Variants in PSMD12 observed in about 807,000 individuals in gnomAD.
The protein encoded by PSMD12 is proteasome 26S subunit, non-ATPase 12.
Under a neutral mutation model 62.9 loss-of-function variants are expected in PSMD12, and 8 were observed. The observed-to-expected ratio is 0.13, with a 90% confidence interval of 0.07 to 0.23. The LOEUF (loss-of-function observed/expected upper bound fraction) is 0.23. PSMD12 is among the 10% of genes least tolerant of loss of function. The probability of loss-of-function intolerance (pLI) is 1.00; values close to 1 mark genes in which losing one functional copy is unlikely to be tolerated. For missense variants in PSMD12, 424 were observed against 550.2 expected (o/e 0.77, Z 2.29); for synonymous variants, 173 against 187.4 (o/e 0.92, Z 0.63).
At chr17:67,344,968 C>G (rs2143689654) in intron 8 of PSMD12, among the ~76,000 whole-genome samples, 188 bp from the exon 9 acceptor site, 1 of 152,314 alleles carries the variant, frequency 6.6e-6, no homozygotes, top group Non-Finnish European at 1.5e-5. Context: ...GTTCAGAATA[C>G]AGCATTCTCC....
intron 1 of PSMD12, chr17:67,361,187 T>C (rs1377310921): frequency 2.6e-5 from 4 of 152,256 alleles, no homozygotes; most frequent in Non-Finnish European, 5.9e-5. Flanking sequence ...TCAACATCAA[T>C]GTTGAGTATA....
chr17:67,350,285 C>A lies in PSMD12; in HGVS notation c.349G>T (p.Asp117Tyr), dbSNP rs2042005354. The A allele has an allele frequency of 1.9e-6, 3 of 1,613,222 alleles. No individual in the cohort carries two copies. Among genetic ancestry groups the A allele is most frequent in the Non-Finnish European group, 2.5e-6 (3 of 1,179,722 alleles). ...QCCTYVEEIT[D>Y]LPIKLRLIDT... The stretch of plus-strand genomic sequence containing the variant: ...ATTAATCGAAGTTTGATAGGAAGGT[C>A]TGTGATTTCCTCAACATAAGTACAG... The change falls in exon 4 of 11, where the codon GAC (aspartate) becomes TAC (tyrosine). Residue 117 changes from aspartate (D) to tyrosine (Y), a missense_variant. Asp to Tyr is a radical substitution (Grantham distance 160). Transcript: ENST00000356126.
intron 1 of PSMD12, among the ~76,000 whole-genome samples, chr17:67,360,208 C>A (rs2042116661): frequency 6.6e-6 from 1 of 152,188 alleles, no homozygotes; most frequent in Non-Finnish European, 1.5e-5. Context: ...TGACAGTCAC[C>A]CATCACATTT....
rs1250021642 is a variant in PSMD12, at chr17:67,348,564, A to G, written c.496T>C (p.Leu166=). 2.5e-6 allele frequency: 4 copies of G among 1,613,550 alleles called. No individual in the cohort carries two copies. In the East Asian group the frequency reaches 6.7e-5, roughly 27 times the overall value. The part of the protein sequence containing the change: ...NGDVKEAASI[L]QELQVETYGS... ...CAATACCTTACCTGTAACTCCTGTA[A>G]AATGGAGGCTGCCTCTTTCACATCA... Residue 166 remains leucine, a synonymous_variant, in exon 5 of 11, where the codon TTA becomes CTA. Transcript: ENST00000356126.
chr17:67,366,544 T>A lies in PSMD12; in HGVS notation c.-25A>T. ...TGGTCCCCGCCTGAGCGTCCCTTGC[T>A]GTCCCCCTGCTTCGGCCACCACTCG... On this transcript the variant is annotated 5_prime_UTR_variant, in exon 1 of 11. Coordinates refer to ENST00000356126, the MANE Select transcript of PSMD12 (RefSeq NM_002816.5). 1 of 1,583,170 alleles carries A rather than the reference T, an allele frequency of 6.3e-7. No homozygotes were observed. Among genetic ancestry groups the A allele is most frequent in the South Asian group, 1.1e-5 (1 of 89,734 alleles).
In PSMD12 at chr17:67,343,360, C is replaced by T. The variant is rs556650681; in HGVS notation, c.1084-1097G>A. On this transcript the variant is annotated intron_variant, in intron 9 of 10. Transcript: ENST00000356126. ...ATCCCATTCCAAGCAGTCTTTAATC[C>T]GTTGGCTACTGCCTTATTTAAAATC... 2.4e-4 allele frequency among the ~76,000 whole-genome samples: 36 copies of T among 152,246 alleles called. No homozygotes were observed. The East Asian group carries it at 6.6e-3, about 28-fold the overall frequency.
In PSMD12 at chr17:67,352,099, A is replaced by T. The variant is rs912258891; in HGVS notation, c.298-1763T>A. Reference sequence around the variant, plus strand: ...CTCTCTCAAAAAAAAAAAAAAAAAAATTTTTTTTAAAGAGATGGGGCCTCA... The same window carrying T: ...CTCTCTCAAAAAAAAAAAAAAAAAATTTTTTTTTAAAGAGATGGGGCCTCA... On this transcript the variant is annotated intron_variant, in intron 3 of 10. Transcript: ENST00000356126. 7.6e-3 allele frequency among the ~76,000 whole-genome samples: 1,122 copies of T among 148,224 alleles called. 13 individuals carry two copies. The highest frequency in any genetic ancestry group is 9.2e-3 in the Non-Finnish European group (620 of 67,434).
chr17:67,344,862 A>C, intron 8 of PSMD12, 82 bp from the exon 9 acceptor site: 2 of 1,190,930 alleles, frequency 1.7e-6, no homozygotes, highest in Non-Finnish European at 2.3e-6. Context: ...CAAAAAATTC[A>C]GCAAAGACTG....
At chr17:67,354,470 T>C (rs996316294) in intron 3 of PSMD12, among the ~76,000 whole-genome samples, 5 of 152,136 alleles carry the variant, frequency 3.3e-5, no homozygotes, top group Non-Finnish European at 5.9e-5. Flanking sequence ...TGAGTTTTTA[T>C]GGCATGAGAA....
chr17:67,360,070 G>C (rs1215630672), intron 1 of PSMD12, among the ~76,000 whole-genome samples: 1 of 152,104 alleles, frequency 6.6e-6, no homozygotes, highest in Non-Finnish European at 1.5e-5. Flanking sequence ...CTCTCCACTA[G>C]AGTGCAGCGC....
chr17:67,366,328 C>T, intron 1 of PSMD12, 84 bp downstream of exon 1: 1 of 1,324,206 alleles, frequency 7.6e-7, no homozygotes, highest in Non-Finnish European at 1.0e-6. Flanking sequence ...ACGCTCCAGC[C>T]CGCAGGCCCC....
At chr17:67,352,725 C>T (rs548068337) in intron 3 of PSMD12, among the ~76,000 whole-genome samples, 7 of 152,190 alleles carry the variant, frequency 4.6e-5, no homozygotes, top group African/African-American at 1.7e-4. Context: ...CTTTAAGCTG[C>T]ACACCATTCT....
chr17:67,360,294 G>A (rs1329947736), intron 1 of PSMD12, among the ~76,000 whole-genome samples: 1 of 152,206 alleles, frequency 6.6e-6, no homozygotes, highest in East Asian at 1.9e-4. Context: ...AGAAGCATGG[G>A]TATTAAATTG....
intron 5 of PSMD12, among the ~76,000 whole-genome samples, chr17:67,347,942 C>G (rs879553383): frequency 7.2e-5 from 11 of 152,224 alleles, no homozygotes; most frequent in Non-Finnish European, 1.2e-4. Flanking sequence ...AAGATTCACT[C>G]AAGTTATACA....
Position 67,347,348 on chromosome 17 carries a change from T to C in PSMD12, c.648A>G (p.Glu216=). The C allele has an allele frequency of 1.9e-6, 3 of 1,613,918 alleles. No individual in the cohort carries two copies. The highest frequency in any genetic ancestry group is 1.7e-6 in the Non-Finnish European group (2 of 1,179,936). Reference sequence around the variant, plus strand: ...CAGATATGCTCACCTCTGTATTTTCTTCCTGGAAAAATTTGGTGTTAATTT... The same window carrying C: ...CAGATATGCTCACCTCTGTATTTTCCTCCTGGAAAAATTTGGTGTTAATTT... ...SKKINTKFFQ[E]ENTEKLKLKY... Residue 216 remains glutamate, a synonymous_variant, in exon 6 of 11, where the codon GAA becomes GAG. Coordinates refer to ENST00000356126, the MANE Select transcript of PSMD12 (RefSeq NM_002816.5).
rs1567964106 is a variant in PSMD12 at position 67,366,544 on chromosome 17, TGTCCCCCTGCTTCGGCCACCACTC to T, written c.-49_-26del. ...TGGTCCCCGCCTGAGCGTCCCTTGCTGTCCCCCTGCTTCGGCCACCACTCGTCACCCACACCGGAAGTTGCCCGC... is the reference window on the plus strand; with the variant it reads ...TGGTCCCCGCCTGAGCGTCCCTTGCTGTCACCCACACCGGAAGTTGCCCGC... On this transcript the variant is annotated 5_prime_UTR_variant, in exon 1 of 11. Transcript: ENST00000356126. 1 of 1,583,168 alleles carries T rather than the reference TGTCCCCCTGCTTCGGCCACCACTC, an allele frequency of 6.3e-7. No individual in the cohort carries two copies. The highest frequency in any genetic ancestry group is 2.3e-5 in the East Asian group (1 of 44,006).
In PSMD12 at chr17:67,347,398, T is replaced by C. The variant is rs773736061; in HGVS notation, c.598A>G (p.Ile200Val). Residue 200 changes from isoleucine (I) to valine (V), a missense_variant, in exon 6 of 11, where the codon ATT (isoleucine) becomes GTT (valine). Physicochemically the swap from Ile to Val is conservative, Grantham distance 29 (BLOSUM62 3). Transcript: ENST00000356126. ...MRLCLAVKDY[I>V]RTQIISKKIN... ...TTCTTGCTGATGATTTGTGTTCGAA[T>C]GTAATCCTTCACAGCTAGGCAGAGC... is the stretch of plus-strand genomic sequence containing the variant. The C allele has an allele frequency of 8.7e-6, 14 of 1,613,994 alleles. No homozygotes were observed. The highest frequency in any genetic ancestry group is 1.2e-5 in the Non-Finnish European group (14 of 1,179,950).
chr17:67,347,618 CAATT>C, intron 5 of PSMD12, 133 bp from the exon 6 acceptor site: 1 of 819,254 alleles, frequency 1.2e-6, no homozygotes, highest in Non-Finnish European at 1.8e-6. Flanking sequence ...AGAGTGTTGA[CAATT>C]ACATTAAAAG....
intron 1 of PSMD12, among the ~76,000 whole-genome samples, chr17:67,359,624 C>CA (rs1431132632): frequency 6.6e-6 from 1 of 151,980 alleles, no homozygotes; most frequent in Non-Finnish European, 1.5e-5. Context: ...CATATTTTTC[C>CA]AAGATAGCTT....
Sources: gnomAD v4.1 joint callset for allele counts (sites outside exome capture counted in the v4.1 genomes callset) on GRCh38, gnomAD v4.1.1 for gene constraint, MANE v1.5 for transcripts, NCBI Gene and HGNC (gene_info 2026-07-23, HGNC 2026-07-21) for gene names.